The following CEP104 variants were observed in gnomAD, a reference collection of about 807,000 sequenced individuals.
CEP104 encodes centrosomal protein 104.
Under a neutral mutation model 113.3 loss-of-function variants are expected in CEP104, and 84 were observed. The ratio of observed to expected loss-of-function variants is 0.74; its 90% CI spans 0.62 to 0.89. CEP104 has a LOEUF of 0.89. Among genes scored for constraint, CEP104 ranks in the 40% least tolerant of loss-of-function variants. The pLI is 0.00. For missense variants in CEP104, 1,053 were observed against 1,156.6 expected, an observed-to-expected ratio of 0.91 and a Z score of 1.30; for synonymous variants, 378 against 421.7, an observed-to-expected ratio of 0.90 and a Z score of 1.27.
Position 3,848,625 on chromosome 1 carries a change from C to G in CEP104, c.270G>C (p.Glu90Asp). 6.2e-7 allele frequency: 1 copy of G among 1,611,670 alleles called. No homozygotes were observed. The highest frequency in any genetic ancestry group is 8.5e-7 in the Non-Finnish European group (1 of 1,179,374). The change falls in exon 3 of 22, where the codon GAG (glutamate) becomes GAC (aspartate). Residue 90 changes from glutamate to aspartate, a missense_variant. By Grantham distance (45) the Glu-to-Asp change is conservative. Transcript: ENST00000378230. ...ATTCTTACCCAAGTCTTCGAAACCG[C>G]TCTGCTTGATAGGGTGCAAAATATT... ...LPEYFAPYQA[E>D]RFRRLGYVSL...
intron 2 of CEP104, among the ~76,000 whole-genome samples, chr1:3,852,041 T>C (rs1381328986): frequency 6.6e-6 from 1 of 152,214 alleles, no homozygotes; most frequent in East Asian, 1.9e-4. Flanking sequence ...CGGGGCCTCA[T>C]TTCTCTTCCT....
rs1265089583 is a variant in CEP104, at chr1:3,834,089, A to AG, written c.1486-55dup. ...GTTACTACGGTGCAATTCCACCAAG[A>AG]GGAAACATGGCATTTACTATCAGTA... On this transcript the variant is annotated intron_variant, in intron 11 of 21. Coordinates refer to ENST00000378230, the MANE Select transcript of CEP104 (RefSeq NM_014704.4). The AG allele has an allele frequency of 4.3e-6, 6 of 1,379,614 alleles. No homozygotes were observed. The Admixed American group carries it at 1.1e-4, about 25-fold the overall frequency. The allele number at this position is 1,379,614 out of a possible 1,614,324, so 85.5% of individuals were successfully genotyped here.
At chr1:3,830,062 A>G in intron 13 of CEP104, 65 bp from the exon 14 acceptor site, 2 of 1,174,866 alleles carry the variant, frequency 1.7e-6, no homozygotes, top group South Asian at 1.3e-5. Flanking sequence ...CAGCTTACAA[A>G]AAAGGTACAT....
rs1030992136 is a variant in CEP104, at chr1:3,815,178, A to G, written c.*224T>C. On this transcript the variant is annotated 3_prime_UTR_variant, in exon 22 of 22. Coordinates refer to ENST00000378230, the MANE Select transcript of CEP104 (RefSeq NM_014704.4). ...AGACAGCCCTGAAGGCTTAATGTACAGTGCGGCCAGGTCCTGGCACTGCAC... is the reference window on the plus strand; with the variant it reads ...AGACAGCCCTGAAGGCTTAATGTACGGTGCGGCCAGGTCCTGGCACTGCAC... 5.4e-6 allele frequency: 3 copies of G among 551,674 alleles called. No individual in the cohort carries two copies. Among genetic ancestry groups the G allele is most frequent in the Middle Eastern group, 4.4e-4 (1 of 2,298 alleles). The allele number at this position is 551,674 out of a possible 1,614,324, so 34.2% of individuals were successfully genotyped here. A position where few individuals can be genotyped will look rare whatever the true frequency, so the allele number is the denominator to read the frequency against.
chr1:3,847,328 G>C, intron 4 of CEP104, 147 bp downstream of exon 4: 1 of 832,610 alleles, frequency 1.2e-6, no homozygotes, highest in East Asian at 2.8e-5. Context: ...GGATCAGACA[G>C]CACAGCTCAG....
At position 3,825,753 on chromosome 1, in the gene CEP104, C is replaced by A; in HGVS notation, c.2364+5G>T. 1 of 1,598,024 alleles carries A rather than the reference C, an allele frequency of 6.3e-7. No individual in the cohort carries two copies. The highest frequency in any genetic ancestry group is 8.6e-7 in the Non-Finnish European group (1 of 1,165,256). Reference sequence around the variant, plus strand: ...AGTAGCTGGCTGCTGTGCCGCTGGCCTGACCTGTTTGCAGTGGTCACATCT... The same window carrying A: ...AGTAGCTGGCTGCTGTGCCGCTGGCATGACCTGTTTGCAGTGGTCACATCT... On this transcript the variant is annotated splice_donor_5th_base_variant and intron_variant, in intron 18 of 21. Transcript: ENST00000378230.
At chr1:3,851,835 C>A (rs1290062919) in intron 2 of CEP104, among the ~76,000 whole-genome samples, 1 of 152,192 alleles carries the variant, frequency 6.6e-6, no homozygotes, top group South Asian at 2.1e-4. Context: ...ATAAAGTATA[C>A]GCGTGTTTAA....
intron 8 of CEP104, among the ~76,000 whole-genome samples, chr1:3,838,264 T>C (rs1644351981): frequency 6.6e-6 from 1 of 152,200 alleles, no homozygotes; most frequent in Non-Finnish European, 1.5e-5. Context: ...GTGATCCTCC[T>C]GTCTCACTCT....
rs374791530 is a variant in CEP104 at position 3,833,936 on chromosome 1, T to A, written c.1585A>T (p.Thr529Ser). ...GTTCTGGTGAGCAAAACGGGAATGG[T>A]CCTCTCCACACAGTGAGCTGTTTCA... is the stretch of plus-strand genomic sequence containing the variant. Reference protein sequence around the residue: ...KLETAHCVERTIPVLLTRTGD... With the variant: ...KLETAHCVERSIPVLLTRTGD... Residue 529 changes from threonine to serine, a missense_variant, in exon 12 of 22, where the codon ACC becomes TCC. By Grantham distance (58) the Thr-to-Ser change is moderately conservative. Transcript: ENST00000378230. The A allele has an allele frequency of 1.9e-6, 3 of 1,614,064 alleles. No homozygotes were observed. Among genetic ancestry groups the A allele is most frequent in the Non-Finnish European group, 2.5e-6 (3 of 1,180,010 alleles).
intron 12 of CEP104, among the ~76,000 whole-genome samples, chr1:3,832,701 T>C (rs1187820480): frequency 6.6e-6 from 1 of 152,220 alleles, no homozygotes; most frequent in Non-Finnish European, 1.5e-5. Flanking sequence ...ATTCTTCTTT[T>C]TGAGACACTG....
At chr1:3,842,540 A>G (rs1267317041) in intron 6 of CEP104, among the ~76,000 whole-genome samples, 1 of 152,242 alleles carries the variant, frequency 6.6e-6, no homozygotes, top group African/African-American at 2.4e-5. Context: ...GCACATGCTC[A>G]GCAAATCGCA....
chr1:3,847,542 G>C lies in CEP104; in HGVS notation c.359C>G (p.Ala120Gly). The C allele has an allele frequency of 6.2e-7, 1 of 1,612,758 alleles. No individual in the cohort carries two copies. The highest frequency in any genetic ancestry group is 8.5e-7 in the Non-Finnish European group (1 of 1,179,022). ...AATCAGTTTAAGAAATTGTCCTACT[G>C]CATCCACATAAACTGATTTTAGTTC... ...ARELKSVYVD[A>G]VGQFLKLIFH... Residue 120 changes from alanine to glycine, a missense_variant, in exon 4 of 22, where the codon GCA becomes GGA. By Grantham distance (60) the Ala-to-Gly change is moderately conservative (BLOSUM62 0). Transcript: ENST00000378230.
rs1425777297 is a variant in CEP104, at chr1:3,813,941, G to A, written c.*1461C>T. On this transcript the variant is annotated 3_prime_UTR_variant, in exon 22 of 22. Coordinates refer to ENST00000378230, the MANE Select transcript of CEP104 (RefSeq NM_014704.4). ...ACTCAGTATTCTCAGTCAACCAGAG[G>A]TATTAGTTTACCAAACGTGGAGATT... 1 of 152,134 alleles carries A rather than the reference G, an allele frequency of 6.6e-6. No homozygotes were observed. Among genetic ancestry groups the A allele is most frequent in the East Asian group, 1.9e-4 (1 of 5,194 alleles). 9.4% of individuals were successfully genotyped at this position (152,134 alleles called of 1,614,324 possible).
Position 3,823,287 on chromosome 1 carries a change from G to A in CEP104, c.2504-46C>T, listed in dbSNP as rs1252405997. 9.9e-6 allele frequency: 16 copies of A among 1,610,664 alleles called. No homozygotes were observed. The African/African-American group carries it at 1.1e-4, about 11-fold the overall frequency. Reference sequence around the variant, plus strand: ...CTCAGTCGCTCCCTGAATGACAGGCGACAAGACATGCTGCTGGCCTGCCCG... The same window carrying A: ...CTCAGTCGCTCCCTGAATGACAGGCAACAAGACATGCTGCTGGCCTGCCCG... On this transcript the variant is annotated intron_variant, in intron 19 of 21. Transcript: ENST00000378230. The surrounding 1 kb of genome is among the most constrained non-coding windows in gnomAD (Gnocchi z 4.1).
chr1:3,850,031 C>T (rs569836126), intron 2 of CEP104, among the ~76,000 whole-genome samples: 127 of 152,332 alleles, frequency 8.3e-4, no homozygotes, highest in Non-Finnish European at 1.6e-3. Context: ...CTGTCACGTG[C>T]TGTACAGGTT....
intron 9 of CEP104, chr1:3,836,950 G>T: frequency 1.9e-6 from 1 of 516,764 alleles, no homozygotes; most frequent in South Asian, 2.9e-5. Context: ...CCACCTCAAT[G>T]ACTGTTTACT....
In CEP104 at chr1:3,815,248, T is replaced by C. The variant is rs1643862805; in HGVS notation, c.*154A>G. ...GCATCCATATCGTTTGCACGAGAGC[T>C]GACGGCACAGACGCGTAAGAGGCGT... is the stretch of plus-strand genomic sequence containing the variant. On this transcript the variant is annotated 3_prime_UTR_variant, in exon 22 of 22. Coordinates refer to ENST00000378230, the MANE Select transcript of CEP104 (RefSeq NM_014704.4). 3.2e-6 allele frequency: 2 copies of C among 620,542 alleles called. No individual in the cohort carries two copies. Among genetic ancestry groups the C allele is most frequent in the South Asian group, 3.8e-5 (2 of 52,770 alleles). 38.4% of individuals were successfully genotyped at this position (620,542 alleles called of 1,614,324 possible).
At chr1:3,855,818 AT>A in intron 1 of CEP104, 2 of 815,598 alleles carry the variant, frequency 2.5e-6, no homozygotes, top group South Asian at 1.1e-4. Flanking sequence ...ACCATTAACA[AT>A]TTGGGAAGAA....
rs749383429 is a variant in CEP104 at position 3,812,803 on chromosome 1, GCACTC to G, written c.*2594_*2598del. The G allele has an allele frequency of 6.6e-6, 1 of 152,088 alleles. No homozygotes were observed. Among genetic ancestry groups the G allele is most frequent in the Non-Finnish European group, 1.5e-5 (1 of 68,036 alleles). The allele number at this position is 152,088 out of a possible 1,614,324, so 9.4% of individuals were successfully genotyped here. On this transcript the variant is annotated 3_prime_UTR_variant, in exon 22 of 22. Transcript: ENST00000378230. ...TGCAGGGGGCCAAGATCGCGCCACT[GCACTC>G]CAGCCTAGGCAACAGAGCAAGACTC... is the stretch of plus-strand genomic sequence containing the variant.
Sources: allele counts gnomAD v4.1 joint callset (sites outside exome capture counted in the v4.1 genomes callset), GRCh38; gene constraint gnomAD v4.1.1; non-coding constraint Gnocchi (gnomAD v3.1); transcripts MANE v1.5; gene names NCBI Gene and HGNC (gene_info 2026-07-23, HGNC 2026-07-21).